The following EXOC4 variants were observed in gnomAD, a reference collection of about 807,000 sequenced individuals.
EXOC4 encodes the protein SEC8-like 1.
EXOC4 carries 71 observed loss-of-function variants against 107.2 expected under a neutral mutation model. The ratio of observed to expected loss-of-function variants is 0.66; its 90% CI spans 0.55 to 0.81. EXOC4 has a LOEUF of 0.81. EXOC4 is among the 30% of genes least tolerant of loss of function. EXOC4 has a pLI of 0.00. For missense variants in EXOC4, 1,108 were observed against 1,189.6 expected (o/e 0.93, Z 1.01); for synonymous variants, 456 against 441.2 (o/e 1.03, Z -0.42).
At chr7:134,058,555 T>G (rs937101497) in intron 17 of EXOC4, among the ~76,000 whole-genome samples, 1 of 152,240 alleles carries the variant, frequency 6.6e-6, no homozygotes, top group Non-Finnish European at 1.5e-5. Flanking sequence ...ATGACTGCAT[T>G]ACTTGGTTTA....
At chr7:133,467,245 A>G (rs1798752686) in intron 7 of EXOC4, among the ~76,000 whole-genome samples, 1 of 149,120 alleles carries the variant, frequency 6.7e-6, no homozygotes, top group African/African-American at 2.5e-5. Flanking sequence ...TTTTTGCAGA[A>G]TGACTGATTA....
chr7:133,326,656 G>C (rs1204128611), intron 5 of EXOC4, among the ~76,000 whole-genome samples: 1 of 152,240 alleles, frequency 6.6e-6, no homozygotes, highest in Non-Finnish European at 1.5e-5. Flanking sequence ...TCGGGGGTCA[G>C]GGACCCACTT....
intron 7 of EXOC4, among the ~76,000 whole-genome samples, chr7:133,428,154 A>G (rs1476658167): frequency 1.3e-5 from 2 of 152,120 alleles, no homozygotes; most frequent in Non-Finnish European, 2.9e-5. Flanking sequence ...GGCTTATTAA[A>G]CCTCAGCATA....
chr7:133,397,613 C>T (rs976578051), intron 7 of EXOC4, among the ~76,000 whole-genome samples: 2 of 152,070 alleles, frequency 1.3e-5, no homozygotes, highest in Non-Finnish European at 2.9e-5. Flanking sequence ...ATTTTATTGT[C>T]CTTTCCCATA....
intron 9 of EXOC4, among the ~76,000 whole-genome samples, chr7:133,621,271 CTT>C (rs1170924624): frequency 1.3e-5 from 2 of 151,800 alleles, no homozygotes; most frequent in African/African-American, 2.4e-5. Context: ...CTTTTTTTCT[CTT>C]GTTTTGTTTT....
rs971441383 is a variant in EXOC4, at chr7:133,892,923, C to G, written c.1735-2676C>G. On this transcript the variant is annotated intron_variant, in intron 11 of 17. Transcript: ENST00000253861. ...TTCTGTTGATTTGGGGTGGAGAGTT[C>G]TGTAGATGTCTATTAGGTCTGCTTG... Among the ~76,000 whole-genome samples the G allele has an allele frequency of 2.0e-4, 21 of 105,106 alleles. 1 individual carries two copies. The highest frequency in any genetic ancestry group is 2.9e-4 in the Non-Finnish European group (16 of 56,010). The allele number at this position is 105,106 out of a possible 152,430, so 69.0% of individuals were successfully genotyped here. A position where few individuals can be genotyped will look rare whatever the true frequency, so the allele number is the denominator to read the frequency against.
chr7:134,046,628 C>T (rs978625505), intron 17 of EXOC4, among the ~76,000 whole-genome samples: 2 of 151,652 alleles, frequency 1.3e-5, no homozygotes, highest in African/African-American at 2.4e-5. Flanking sequence ...CCCCTGAGCC[C>T]GGGAGACCTT....
At chr7:133,525,552 T>A (rs1800063247) in intron 9 of EXOC4, among the ~76,000 whole-genome samples, 1 of 152,182 alleles carries the variant, frequency 6.6e-6, no homozygotes, top group South Asian at 2.1e-4. Flanking sequence ...ACTTTTTAAG[T>A]CATGGACCCC....
intron 10 of EXOC4, among the ~76,000 whole-genome samples, chr7:133,718,785 G>GATCCTCTGA (rs1287358511): frequency 5.3e-5 from 8 of 152,112 alleles, no homozygotes; most frequent in African/African-American, 1.9e-4. Flanking sequence ...GAAAAGGAAG[G>GATCCTCTGA]ATCCTCTGAG....
chr7:134,017,268 A>G (rs1794931049), intron 17 of EXOC4, among the ~76,000 whole-genome samples: 1 of 152,134 alleles, frequency 6.6e-6, no homozygotes. Flanking sequence ...TCTGCTGCCA[A>G]AAAAATTCTT....
chr7:133,863,224 G>A (rs78277495), intron 11 of EXOC4, among the ~76,000 whole-genome samples: 1 of 152,058 alleles, frequency 6.6e-6, no homozygotes, highest in South Asian at 2.1e-4. Context: ...GCAGGGCTAT[G>A]GGGGAAGGGT....
chr7:133,911,641 A>C (rs1799698076), intron 12 of EXOC4, among the ~76,000 whole-genome samples: 1 of 152,214 alleles, frequency 6.6e-6, no homozygotes, highest in Non-Finnish European at 1.5e-5. Context: ...CTTTAATGTC[A>C]TCCAACCTAA....
At chr7:133,679,715 A>G (rs1794146997) in intron 10 of EXOC4, among the ~76,000 whole-genome samples, 1 of 152,176 alleles carries the variant, frequency 6.6e-6, no homozygotes, top group South Asian at 2.1e-4. Flanking sequence ...ATCAGTTGAC[A>G]TTGCCAGTCA....
At chr7:134,069,485 C>CCTTCTTCTCCTTTCTTCTTT (rs1563112518), downstream of EXOC4, among the ~76,000 whole-genome samples, 10 of 151,674 alleles carry the variant, frequency 6.6e-5, no homozygotes, top group Non-Finnish European at 1.5e-5. Context: ...CTCTTCTCCT[C>CCTTCTTCTCCTTTCTTCTTT]CTTCTTCTCC....
At chr7:133,823,488 T>C (rs910667410) in intron 11 of EXOC4, among the ~76,000 whole-genome samples, 1 of 151,936 alleles carries the variant, frequency 6.6e-6, no homozygotes, top group Non-Finnish European at 1.5e-5. Context: ...CTCCATCGTA[T>C]CAGTTATTGC....
intron 7 of EXOC4, among the ~76,000 whole-genome samples, chr7:133,436,516 C>T (rs1797978728): frequency 6.6e-6 from 1 of 151,428 alleles, no homozygotes; most frequent in African/African-American, 2.4e-5. Flanking sequence ...AAAAAAAAAC[C>T]CTAATATTAT....
chr7:134,051,430 C>T lies in EXOC4; in HGVS notation c.2688-12861C>T, dbSNP rs1356829012. ...GCTCATGCCTGTAATCCTAGCACTT[C>T]GGGAGGCCGAGGCAGGTGGATCATG... On this transcript the variant is annotated intron_variant, in intron 17 of 17. Coordinates refer to ENST00000253861, the MANE Select transcript of EXOC4 (RefSeq NM_021807.4). Among the ~76,000 whole-genome samples, 6 of 152,012 alleles carry T rather than the reference C, an allele frequency of 3.9e-5. No individual in the cohort carries two copies. In the South Asian group the frequency reaches 1.0e-3, roughly 26 times the overall value.
At chr7:133,706,129 C>G (rs182134634) in intron 10 of EXOC4, among the ~76,000 whole-genome samples, 3 of 152,112 alleles carry the variant, frequency 2.0e-5, no homozygotes, top group African/African-American at 7.2e-5. Context: ...TCCCTCCCAG[C>G]GAGTTTGAAT....
chr7:133,652,597 G>A lies in EXOC4; in HGVS notation c.1514+22456G>A, dbSNP rs368930099. ...ACCAGGGTACAAAGAGGAGTAGTGG[G>A]GAAGGGGCAAGAGGGAGTCCTGGTT... On this transcript the variant is annotated intron_variant, in intron 10 of 17. Transcript: ENST00000253861. Among the ~76,000 whole-genome samples the A allele has an allele frequency of 7.9e-5, 12 of 152,194 alleles. 1 individual carries two copies. Among genetic ancestry groups the A allele is most frequent in the African/African-American group, 2.9e-4 (12 of 41,520 alleles).
Sources: gnomAD v4.1 joint callset for allele counts (sites outside exome capture counted in the v4.1 genomes callset) on GRCh38, gnomAD v4.1.1 for gene constraint, MANE v1.5 for transcripts, NCBI Gene and HGNC (gene_info 2026-07-23, HGNC 2026-07-21) for gene names.